ANAPC10: variants seen among roughly 807,000 people sequenced by gnomAD.
The protein encoded by ANAPC10 is anaphase-promoting complex subunit 10.
ANAPC10 carries 12 observed loss-of-function variants against 22.0 expected under a neutral mutation model. That is an observed-to-expected ratio of 0.55 (90% CI 0.35 to 0.88). ANAPC10 has a LOEUF of 0.88. ANAPC10 is among the 40% of genes least tolerant of loss of function. The probability of loss-of-function intolerance (pLI) is 0.01; values close to 1 mark genes in which losing one functional copy is unlikely to be tolerated. For synonymous variants in ANAPC10, 65 were observed against 69.5 expected (o/e 0.94, Z 0.32); for missense variants, 188 against 220.9 (o/e 0.85, Z 0.94).
intron 4 of ANAPC10, among the ~76,000 whole-genome samples, chr4:145,033,774 C>T (rs1738001392): frequency 1.3e-5 from 2 of 152,180 alleles, no homozygotes; most frequent in South Asian, 4.1e-4. Context: ...TAGAAGAAGG[C>T]AGTCATCAAT....
At chr4:145,054,590 G>A (rs1420397936) in intron 4 of ANAPC10, among the ~76,000 whole-genome samples, 1 of 146,664 alleles carries the variant, frequency 6.8e-6, no homozygotes, top group Non-Finnish European at 1.5e-5. Flanking sequence ...ACAGGATGAG[G>A]GGACATACTG....
chr4:145,091,446 T>G (rs1428427237), intron 2 of ANAPC10, among the ~76,000 whole-genome samples: 1 of 152,102 alleles, frequency 6.6e-6, no homozygotes, highest in Non-Finnish European at 1.5e-5. Context: ...TTAATCATAT[T>G]TACAGGAATA....
At chr4:145,095,075 A>T (rs947118630) in intron 2 of ANAPC10, among the ~76,000 whole-genome samples, 4 of 152,212 alleles carry the variant, frequency 2.6e-5, no homozygotes, top group Admixed American at 6.5e-5. Flanking sequence ...AAATCTAACT[A>T]GGGAATAGTA....
chr4:145,083,410 C>T lies in ANAPC10; in HGVS notation c.116-1660G>A, dbSNP rs552852955. Among the ~76,000 whole-genome samples, 8 of 152,244 alleles carry T rather than the reference C, an allele frequency of 5.3e-5. No individual in the cohort carries two copies. In the South Asian group the frequency reaches 1.7e-3, roughly 32 times the overall value. On this transcript the variant is annotated intron_variant, in intron 2 of 4. Transcript: ENST00000507656. ...ACTGCAATAAACACCTAGCTGTCTACAATCTTTAAATATATGTTATTTCTA... is the reference window on the plus strand; with the variant it reads ...ACTGCAATAAACACCTAGCTGTCTATAATCTTTAAATATATGTTATTTCTA...
chr4:144,997,344 C>A (rs1217418615), intron 4 of ANAPC10, among the ~76,000 whole-genome samples: 1 of 152,190 alleles, frequency 6.6e-6, no homozygotes, highest in African/African-American at 2.4e-5. Context: ...ACAGAAAGGT[C>A]GGGTTGCCCA....
chr4:145,074,328 G>A (rs868151934), intron 3 of ANAPC10, among the ~76,000 whole-genome samples: 145 of 151,958 alleles, frequency 9.5e-4, no homozygotes, highest in African/African-American at 3.1e-3. Context: ...AGGGCAGAGG[G>A]CTTTTTCCCT....
At chr4:145,037,298 G>C (rs1175835134) in intron 4 of ANAPC10, among the ~76,000 whole-genome samples, 1 of 151,954 alleles carries the variant, frequency 6.6e-6, no homozygotes, top group African/African-American at 2.4e-5. Context: ...CAAACATATA[G>C]AAATTTAGAC....
intron 4 of ANAPC10, among the ~76,000 whole-genome samples, chr4:145,051,339 A>C (rs188543013): frequency 6.6e-6 from 1 of 152,336 alleles, no homozygotes. Context: ...GCGTCCCAAA[A>C]CAATTACAAT....
intron 4 of ANAPC10, among the ~76,000 whole-genome samples, chr4:145,003,325 A>G (rs1464067845): frequency 6.6e-6 from 1 of 152,176 alleles, no homozygotes; most frequent in Non-Finnish European, 1.5e-5. Flanking sequence ...CTTTACTATT[A>G]GCTGCAATGA....
At chr4:145,045,754 T>C (rs1740205567) in intron 4 of ANAPC10, among the ~76,000 whole-genome samples, 1 of 152,110 alleles carries the variant, frequency 6.6e-6, no homozygotes, top group South Asian at 2.1e-4. Context: ...TCAATACTCC[T>C]GATTTCCAAG....
At chr4:145,044,745 A>G (rs1740038625) in intron 4 of ANAPC10, among the ~76,000 whole-genome samples, 1 of 152,078 alleles carries the variant, frequency 6.6e-6, no homozygotes, top group South Asian at 2.1e-4. Flanking sequence ...CCTCAGAAAC[A>G]TGACAATACT....
At chr4:145,036,542 T>C (rs1738567668) in intron 4 of ANAPC10, among the ~76,000 whole-genome samples, 1 of 151,874 alleles carries the variant, frequency 6.6e-6, no homozygotes, top group Non-Finnish European at 1.5e-5. Flanking sequence ...GAGATTGGGG[T>C]CTTACTATGT....
chr4:145,094,547 T>G (rs1748196132), intron 2 of ANAPC10, among the ~76,000 whole-genome samples: 1 of 152,080 alleles, frequency 6.6e-6, no homozygotes, highest in Non-Finnish European at 1.5e-5. Context: ...CAGAAGAGGC[T>G]TGGTTGAGAG....
intron 4 of ANAPC10, among the ~76,000 whole-genome samples, chr4:145,029,556 A>G (rs1208559255): frequency 1.3e-5 from 2 of 152,214 alleles, no homozygotes; most frequent in African/African-American, 2.4e-5. Context: ...TGGAAGGAAC[A>G]TAAGAGTTGT....
chr4:145,097,916 A>T (rs1748830714), intron 1 of ANAPC10: 1 of 222,942 alleles, frequency 4.5e-6, no homozygotes, highest in African/African-American at 2.3e-5. Flanking sequence ...TGAGGCCTAG[A>T]AGAGCGCGCA....
At chr4:145,009,322 G>GA (rs1733930603) in intron 4 of ANAPC10, among the ~76,000 whole-genome samples, 2 of 152,036 alleles carry the variant, frequency 1.3e-5, no homozygotes, top group South Asian at 4.1e-4. Flanking sequence ...CACAGAACTG[G>GA]AAAAAACTAC....
chr4:145,036,906 G>A (rs903264736), intron 4 of ANAPC10, among the ~76,000 whole-genome samples: 2 of 151,886 alleles, frequency 1.3e-5, no homozygotes, highest in African/African-American at 4.8e-5. Context: ...TAAAAAGGAA[G>A]GATCATAGTT....
At chr4:145,045,431 A>T (rs1740157170) in intron 4 of ANAPC10, among the ~76,000 whole-genome samples, 1 of 152,066 alleles carries the variant, frequency 6.6e-6, no homozygotes, top group South Asian at 2.1e-4. Context: ...GTCTATCAAC[A>T]TCACTCGGCC....
At chr4:145,056,026 T>C (rs968867220) in intron 4 of ANAPC10, among the ~76,000 whole-genome samples, 1 of 152,192 alleles carries the variant, frequency 6.6e-6, no homozygotes, top group African/African-American at 2.4e-5. Context: ...GGCAAGCCTA[T>C]GAACTTCTGG....
Sources: allele counts gnomAD v4.1 joint callset (sites outside exome capture counted in the v4.1 genomes callset), GRCh38; gene constraint gnomAD v4.1.1; transcripts MANE v1.5; gene names NCBI Gene and HGNC (gene_info 2026-07-23, HGNC 2026-07-21).